Variants in UGGT1 observed in about 807,000 individuals in gnomAD.
UGGT1 encodes the protein UDP-glucose:glycoprotein glucosyltransferase 1.
Under a neutral mutation model 203.9 loss-of-function variants are expected in UGGT1, and 107 were observed. The observed-to-expected ratio is 0.52, with a 90% CI of 0.45 to 0.62. The LOEUF (loss-of-function observed/expected upper bound fraction) is 0.62. UGGT1 is among the 20% of genes least tolerant of loss of function. The probability of loss-of-function intolerance (pLI) is 0.00; values close to 1 mark genes in which losing one functional copy is unlikely to be tolerated. For synonymous variants in UGGT1, 628 were observed against 653.5 expected (o/e 0.96, Z 0.59); for missense variants, 1,673 against 1,867.2 (o/e 0.90, Z 1.92).
At chr2:128,167,028 G>A (rs1234688635) in intron 26 of UGGT1, among the ~76,000 whole-genome samples, 1 of 152,300 alleles carries the variant, frequency 6.6e-6, no homozygotes, top group East Asian at 1.9e-4. Context: ...TTTTATGTCA[G>A]CAGTGGGTGA....
At chr2:128,154,058 TATACACAC>T (rs1690110421) in intron 19 of UGGT1, among the ~76,000 whole-genome samples, 2 of 86,826 alleles carry the variant, frequency 2.3e-5, no homozygotes, top group African/African-American at 8.0e-5. Flanking sequence ...TACATGTATA[TATACACAC>T]ACACACACAC....
rs562118928 is a variant in UGGT1 at position 128,102,287 on chromosome 2, C to T, written c.195-1645C>T. Reference sequence around the variant, plus strand: ...CCTCCTGAGTAGCTGAGACTACAGGCGCCCGCCACCACCCTCGACTAATTT... The same window carrying T: ...CCTCCTGAGTAGCTGAGACTACAGGTGCCCGCCACCACCCTCGACTAATTT... On this transcript the variant is annotated intron_variant, in intron 2 of 40. Coordinates refer to ENST00000259253, the MANE Select transcript of UGGT1 (RefSeq NM_020120.4). Among the ~76,000 whole-genome samples, 5 of 152,162 alleles carry T rather than the reference C, an allele frequency of 3.3e-5. No individual in the cohort carries two copies. The East Asian group carries it at 7.8e-4, about 24-fold the overall frequency.
intron 2 of UGGT1, among the ~76,000 whole-genome samples, chr2:128,102,643 T>C (rs1687432206): frequency 6.6e-6 from 1 of 152,170 alleles, no homozygotes; most frequent in Non-Finnish European, 1.5e-5. Flanking sequence ...TAAGACCTTA[T>C]GTATGCAGTG....
intron 18 of UGGT1, among the ~76,000 whole-genome samples, chr2:128,149,423 T>TCACA (rs1573574886): frequency 6.7e-6 from 1 of 149,094 alleles, no homozygotes; most frequent in East Asian, 2.1e-4. Context: ...GGCGGGCGGA[T>TCACA]AATGAGGTCA....
At position 128,123,200 on chromosome 2, in the gene UGGT1, C is replaced by G; in HGVS notation, c.1088C>G (p.Thr363Arg). Residue 363 changes from threonine (T) to arginine (R), a missense_variant, in exon 11 of 41, where the codon ACA becomes AGA. Around this residue, in one of 4 missense-constraint regions of UGGT1, gnomAD observed 1,073 missense variants for 1,078.7 expected, o/e 0.99. Coordinates refer to ENST00000259253, the MANE Select transcript of UGGT1 (RefSeq NM_020120.4). The part of the protein sequence containing the change: ...FPTKARAITK[T>R]AVSSELRTEV... Reference sequence around the variant, plus strand: ...TATTTCCTTAGAGCAATAACAAAAACAGCTGTGAGCTCAGAACTTAGAACC... The same window carrying G: ...TATTTCCTTAGAGCAATAACAAAAAGAGCTGTGAGCTCAGAACTTAGAACC... The G allele has an allele frequency of 6.2e-7, 1 of 1,613,292 alleles. No individual in the cohort carries two copies. Among genetic ancestry groups the G allele is most frequent in the Non-Finnish European group, 8.5e-7 (1 of 1,179,586 alleles).
intron 7 of UGGT1, 82 bp downstream of exon 7, chr2:128,115,302 A>C (rs1474142958): frequency 8.1e-7 from 1 of 1,239,162 alleles, no homozygotes; most frequent in Non-Finnish European, 1.2e-6. Context: ...AAAATAATAG[A>C]TTTAGGTGTA....
Position 128,192,275 on chromosome 2 carries a change from T to C in UGGT1, c.*2533T>C, listed in dbSNP as rs1452415256. 4 of 152,050 alleles carry C rather than the reference T, an allele frequency of 2.6e-5. No homozygotes were observed. Among genetic ancestry groups the C allele is most frequent in the Admixed American group, 2.6e-4 (4 of 15,246 alleles). 9.4% of individuals were successfully genotyped at this position (152,050 alleles called of 1,614,324 possible). A position where few individuals can be genotyped will look rare whatever the true frequency, so the allele number is the denominator to read the frequency against. On this transcript the variant is annotated 3_prime_UTR_variant, in exon 41 of 41. Transcript: ENST00000259253. ...CCTCCTCCTCCTGCCAGTTTTTTTT[T>C]TTTTTTTTGGTTCATGTGGCATAAT... is the stretch of plus-strand genomic sequence containing the variant.
chr2:128,108,782 T>G (rs4662774), intron 4 of UGGT1, among the ~76,000 whole-genome samples: 136,816 of 152,016 alleles, frequency 0.9, 62,351 homozygotes, highest in Non-Finnish European at 0.98. Flanking sequence ...TCCGTGTACT[T>G]TGTCCTGATT....
In UGGT1 at chr2:128,164,788, C is replaced by A; in HGVS notation, c.2884C>A (p.Pro962Thr). The A allele has an allele frequency of 6.2e-7, 1 of 1,609,888 alleles. No individual in the cohort carries two copies. Among genetic ancestry groups the A allele is most frequent in the Non-Finnish European group, 8.5e-7 (1 of 1,178,628 alleles). The change falls in exon 26 of 41, where the codon CCA (proline) becomes ACA (threonine). Residue 962 changes from proline (P) to threonine (T), a missense_variant. Pro to Thr is a conservative substitution (Grantham distance 38). This residue lies in a region of UGGT1 where 1,073 missense variants were observed against 1,078.7 expected (regional missense o/e 0.99). Transcript: ENST00000259253. ...ALLSAQPKGD[P>T]RIEYQFFEDR... ...TCTGTCAGCGCAACCAAAAGGAGAT[C>A]CAAGAATCGAGTACCAGTTTTTTGA...
At position 128,146,007 on chromosome 2, in the gene UGGT1, T is replaced by G. The variant is rs776599406; in HGVS notation, c.2016+40T>G. On this transcript the variant is annotated intron_variant, in intron 18 of 40. Coordinates refer to ENST00000259253, the MANE Select transcript of UGGT1 (RefSeq NM_020120.4). ...AAGGCTGATTTTTTAAAGAGAACAGTTGGCTTATATTTTTTGTTGCCTCTA... is the reference window on the plus strand; with the variant it reads ...AAGGCTGATTTTTTAAAGAGAACAGGTGGCTTATATTTTTTGTTGCCTCTA... 10 of 1,610,960 alleles carry G rather than the reference T, an allele frequency of 6.2e-6. No individual in the cohort carries two copies. In the Admixed American group the frequency reaches 1.5e-4, roughly 25 times the overall value.
rs778882757 is a variant in UGGT1 at position 128,186,808 on chromosome 2, T to C, written c.4476+9T>C. ...CAAAAACCATTGATTTGGTAAGCCGTATGTGGTGTGCTTCTGCATGTTCAT... is the reference window on the plus strand; with the variant it reads ...CAAAAACCATTGATTTGGTAAGCCGCATGTGGTGTGCTTCTGCATGTTCAT... On this transcript the variant is annotated intron_variant, in intron 39 of 40. Transcript: ENST00000259253. 6.2e-7 allele frequency: 1 copy of C among 1,601,956 alleles called. No individual in the cohort carries two copies. The highest frequency in any genetic ancestry group is 1.1e-5 in the South Asian group (1 of 89,958).
chr2:128,171,255 A>G lies in UGGT1; in HGVS notation c.3075A>G (p.Gln1025=), dbSNP rs780079997. 6 of 1,613,526 alleles carry G rather than the reference A, an allele frequency of 3.7e-6. No homozygotes were observed. The highest frequency in any genetic ancestry group is 1.7e-5 in the Admixed American group (1 of 59,880). ...ATCTGAGAGTATTTATGAACTGCCA[A>G]TCCAAACTTTCTGACATGCCTTTAA... ...NMNLRVFMNC[Q]SKLSDMPLKS... is the part of the protein sequence containing the mutation. Residue 1025 remains glutamine (Q), a synonymous_variant, in exon 28 of 41, where the codon CAA becomes CAG. Coordinates refer to ENST00000259253, the MANE Select transcript of UGGT1 (RefSeq NM_020120.4).
rs374127247 is a variant in UGGT1 at position 128,123,234 on chromosome 2, A to G, written c.1122A>G (p.Glu374=). 2 of 1,613,360 alleles carry G rather than the reference A, an allele frequency of 1.2e-6. No individual in the cohort carries two copies. The highest frequency in any genetic ancestry group is 1.1e-5 in the South Asian group (1 of 91,008). ...GCTCAGAACTTAGAACCGAAGTGGA[A>G]GAGAATCAGAAGGTATTCACCGATA... ...AVSSELRTEV[E]ENQKYFKGTL... The change falls in exon 11 of 41, where the codon GAA becomes GAG. Residue 374 remains glutamate, a synonymous_variant. Coordinates refer to ENST00000259253, the MANE Select transcript of UGGT1 (RefSeq NM_020120.4).
In UGGT1 at chr2:128,191,036, G is replaced by C. The variant is rs1692239197; in HGVS notation, c.*1294G>C. 1 of 152,270 alleles carries C rather than the reference G, an allele frequency of 6.6e-6. No individual in the cohort carries two copies. The highest frequency in any genetic ancestry group is 2.1e-4 in the South Asian group (1 of 4,836). 9.4% of individuals were successfully genotyped at this position (152,270 alleles called of 1,614,324 possible). A position where few individuals can be genotyped will look rare whatever the true frequency, so the allele number is the denominator to read the frequency against. On this transcript the variant is annotated 3_prime_UTR_variant, in exon 41 of 41. Transcript: ENST00000259253. ...AGTCTTGAGTATGTTATTGGCCTAA[G>C]TGGGCATGAGGCCCCAGCATCCGAC...
rs752131392 is a variant in UGGT1 at position 128,159,666 on chromosome 2, G to T, written c.2508G>T (p.Glu836Asp). The change falls in exon 23 of 41, where the codon GAG becomes GAT. Residue 836 changes from glutamate to aspartate, a missense_variant. This residue lies in a region of UGGT1 where 1,073 missense variants were observed against 1,078.7 expected (regional missense o/e 0.99). Coordinates refer to ENST00000259253, the MANE Select transcript of UGGT1 (RefSeq NM_020120.4). ...AKNFITKMAK[E>D]GAAEALAAGA... ...ACTTCATCACCAAAATGGCCAAGGA[G>T]GGGGCTGCAGAGGCCCTGGCTGCAG... 1.2e-6 allele frequency: 2 copies of T among 1,614,136 alleles called. No individual in the cohort carries two copies. Among genetic ancestry groups the T allele is most frequent in the Non-Finnish European group, 1.7e-6 (2 of 1,180,018 alleles).
chr2:128,110,462 C>T (rs1025648913), intron 5 of UGGT1, among the ~76,000 whole-genome samples: 13 of 151,994 alleles, frequency 8.6e-5, no homozygotes, highest in Admixed American at 5.9e-4. Context: ...CTCAGAGTGC[C>T]GACCAAAAAA....
chr2:128,183,933 TGTGTGAGA>T, intron 38 of UGGT1, 144 bp downstream of exon 38: 1 of 551,478 alleles, frequency 1.8e-6, no homozygotes, highest in East Asian at 3.2e-5. Flanking sequence ...TGTGTGTGTG[TGTGTGAGA>T]GAGAGAGAGA....
At chr2:128,126,609 C>G (rs998786869) in intron 11 of UGGT1, among the ~76,000 whole-genome samples, 1 of 151,574 alleles carries the variant, frequency 6.6e-6, no homozygotes, top group Non-Finnish European at 1.5e-5. Flanking sequence ...GATGAACTTT[C>G]CCAAAATGAA....
intron 19 of UGGT1, 85 bp from the exon 20 acceptor site, chr2:128,155,399 CTTATA>C (rs1448782824): frequency 5.2e-6 from 5 of 961,922 alleles, no homozygotes; most frequent in East Asian, 2.6e-5. Context: ...TTCTATAAAT[CTTATA>C]TTATGATCAA....
Sources: allele counts gnomAD v4.1 joint callset (sites outside exome capture counted in the v4.1 genomes callset), GRCh38; gene constraint gnomAD v4.1.1; regional missense constraint gnomAD v4.1.1; transcripts MANE v1.5; gene names NCBI Gene and HGNC (gene_info 2026-07-23, HGNC 2026-07-21).